The following STX6 variants were observed in gnomAD, a reference collection of about 807,000 sequenced individuals.
STX6 encodes syntaxin-6.
A neutral mutation model predicts 38.0 loss-of-function variants in STX6; 23 were observed. The observed-to-expected ratio is 0.60, with a 90% CI of 0.43 to 0.86. The LOEUF (loss-of-function observed/expected upper bound fraction) is 0.86. Among genes scored for constraint, STX6 ranks in the 40% least tolerant of loss-of-function variants. STX6 has a pLI of 0.00. For missense variants in STX6, 274 were observed against 312.9 expected (o/e 0.88, Z 0.94); for synonymous variants, 123 against 107.5 (o/e 1.14, Z -0.89).
At chr1:181,009,588 A>G (rs1291017348) in intron 1 of STX6, among the ~76,000 whole-genome samples, 1 of 152,198 alleles carries the variant, frequency 6.6e-6, no homozygotes, top group Non-Finnish European at 1.5e-5. Flanking sequence ...TTAAATCTTC[A>G]ATTACATACT....
chr1:181,015,071 T>C (rs1656517317), intron 1 of STX6, among the ~76,000 whole-genome samples: 2 of 152,308 alleles, frequency 1.3e-5, no homozygotes, highest in South Asian at 4.2e-4. Context: ...GACATTGTGC[T>C]GTTCTAGTTT....
At position 181,022,826 on chromosome 1, in the gene STX6, G is replaced by C. The variant is rs1656786255; in HGVS notation, c.-153C>G. The C allele has an allele frequency of 2.9e-6, 2 of 696,350 alleles. No homozygotes were observed. Among genetic ancestry groups the C allele is most frequent in the Non-Finnish European group, 4.8e-6 (2 of 419,094 alleles). The allele number at this position is 696,350 out of a possible 1,614,324, so 43.1% of individuals were successfully genotyped here. On this transcript the variant is annotated 5_prime_UTR_variant, in exon 1 of 8. Coordinates refer to ENST00000258301, the MANE Select transcript of STX6 (RefSeq NM_005819.6). The stretch of plus-strand genomic sequence containing the variant: ...GGCACGCGCACAGGCCAGGTGCACA[G>C]GACGGCCGCTGGTCCAGCACTCGCT...
intron 3 of STX6, among the ~76,000 whole-genome samples, chr1:180,996,700 G>A (rs1334487091): frequency 6.6e-6 from 1 of 151,908 alleles, no homozygotes; most frequent in African/African-American, 2.4e-5. Flanking sequence ...AGCCTCCCAA[G>A]TAGCTGGGAC....
chr1:180,985,401 G>A (rs895118827), intron 6 of STX6, among the ~76,000 whole-genome samples: 2 of 152,206 alleles, frequency 1.3e-5, no homozygotes, highest in Non-Finnish European at 2.9e-5. Flanking sequence ...GGGCTCTTGT[G>A]AGAACCAGGT....
intron 7 of STX6, among the ~76,000 whole-genome samples, chr1:180,984,284 G>A (rs528863213): frequency 3.3e-5 from 5 of 151,872 alleles, no homozygotes; most frequent in East Asian, 3.9e-4. Flanking sequence ...GGTGGCTCAC[G>A]CCTATAATCT....
rs10625558 is a variant in STX6 at position 180,984,063 on chromosome 1, CAAAAAAAA to C, written c.691+606_691+613del. Among the ~76,000 whole-genome samples, 12 of 7,164 alleles carry C rather than the reference CAAAAAAAA, an allele frequency of 1.7e-3. No homozygotes were observed. The East Asian group carries it at 0.039, about 23-fold the overall frequency. The allele number at this position is 7,164 out of a possible 152,430, so 4.7% of individuals were successfully genotyped here. Reference sequence around the variant, plus strand: ...TGGGCAACAGAGTGAGGCTCCATCTCAAAAAAAAAAAAAAAAAAAAAAAAAAACACAAC... The same window carrying C: ...TGGGCAACAGAGTGAGGCTCCATCTCAAAAAAAAAAAAAAAAAAACACAAC... On this transcript the variant is annotated intron_variant, in intron 7 of 7. Coordinates refer to ENST00000258301, the MANE Select transcript of STX6 (RefSeq NM_005819.6).
At chr1:180,994,721 A>G (rs1180895659) in intron 3 of STX6, among the ~76,000 whole-genome samples, 1 of 152,224 alleles carries the variant, frequency 6.6e-6, no homozygotes, top group East Asian at 1.9e-4. Flanking sequence ...TGGGTAAAAA[A>G]TACAGTTAGA....
chr1:181,020,227 T>C (rs983249992), intron 1 of STX6, among the ~76,000 whole-genome samples: 1 of 151,560 alleles, frequency 6.6e-6, no homozygotes, highest in Non-Finnish European at 1.5e-5. Context: ...AAAAAAAAAA[T>C]GTATTTAATG....
At chr1:181,010,409 C>T (rs1273171818) in intron 1 of STX6, among the ~76,000 whole-genome samples, 1 of 152,074 alleles carries the variant, frequency 6.6e-6, no homozygotes, top group Non-Finnish European at 1.5e-5. Flanking sequence ...TCAATCGATT[C>T]TCCTGCCTCA....
chr1:181,002,134 T>C (rs1044760066), intron 3 of STX6, among the ~76,000 whole-genome samples: 2 of 152,058 alleles, frequency 1.3e-5, no homozygotes, highest in Non-Finnish European at 2.9e-5. Context: ...TGAGACCTTG[T>C]GTCAAAAAAA....
chr1:181,022,138 C>A (rs1046189814), intron 1 of STX6, among the ~76,000 whole-genome samples: 3 of 151,570 alleles, frequency 2.0e-5, no homozygotes, highest in Non-Finnish European at 4.4e-5. Context: ...TCAGACGCCT[C>A]TGGGCTTGTT....
chr1:180,976,690 A>T, intron 7 of STX6, 44 bp from the exon 8 acceptor site: 2 of 1,557,262 alleles, frequency 1.3e-6, no homozygotes, highest in Non-Finnish European at 1.8e-6. Context: ...GGGACTCCAC[A>T]TTCCCCAAGA....
chr1:181,003,169 C>T (rs934634745), intron 2 of STX6, among the ~76,000 whole-genome samples: 1 of 152,198 alleles, frequency 6.6e-6, no homozygotes, highest in African/African-American at 2.4e-5. Context: ...CATTCCCTTA[C>T]CCTCTAGCCT....
intron 4 of STX6, among the ~76,000 whole-genome samples, chr1:180,991,578 T>C (rs1655757791): frequency 6.6e-6 from 1 of 152,214 alleles, no homozygotes; most frequent in Non-Finnish European, 1.5e-5. Flanking sequence ...TAGAGCTAAG[T>C]ATAGGGCAAA....
intron 7 of STX6, chr1:180,980,604 G>C (rs1246993822): frequency 8.6e-6 from 1 of 116,954 alleles, no homozygotes; most frequent in Non-Finnish European, 1.6e-5. Flanking sequence ...ACCCAGGCTA[G>C]AGTGCAGTGG....
intron 3 of STX6, among the ~76,000 whole-genome samples, chr1:180,996,269 C>T (rs1655913179): frequency 1.3e-5 from 2 of 152,038 alleles, no homozygotes; most frequent in South Asian, 2.1e-4. Flanking sequence ...AAATAAGCAG[C>T]AAGCCCAAAT....
At chr1:180,993,859 CA>C (rs1315641794) in intron 3 of STX6, among the ~76,000 whole-genome samples, 1 of 109,380 alleles carries the variant, frequency 9.1e-6, no homozygotes, top group Non-Finnish European at 2.2e-5. Flanking sequence ...AACACAAAAG[CA>C]CGTGTTCAAG....
chr1:181,011,425 A>G (rs907308310), intron 1 of STX6, among the ~76,000 whole-genome samples: 2 of 152,210 alleles, frequency 1.3e-5, no homozygotes, highest in African/African-American at 4.8e-5. Flanking sequence ...AGCAGAAAAC[A>G]ATGTTGGTCA....
At chr1:181,005,595 C>T in intron 1 of STX6, 132 bp from the exon 2 acceptor site, 1 of 791,886 alleles carries the variant, frequency 1.3e-6, no homozygotes, top group Non-Finnish European at 1.9e-6. Flanking sequence ...AGGCTCTTCA[C>T]AGACAAATAT....
Sources: gnomAD v4.1 joint callset for allele counts (sites outside exome capture counted in the v4.1 genomes callset) on GRCh38, gnomAD v4.1.1 for gene constraint, MANE v1.5 for transcripts, NCBI Gene and HGNC (gene_info 2026-07-23, HGNC 2026-07-21) for gene names.